The following EGFR variants were observed in gnomAD, a reference collection of about 807,000 sequenced individuals.
EGFR encodes avian erythroblastic leukemia viral (v-erb-b) oncogene homolog.
A neutral mutation model predicts 143.0 loss-of-function variants in EGFR; 58 were observed. That is an observed-to-expected ratio of 0.41 (90% CI 0.33 to 0.50). EGFR has a LOEUF of 0.50. Among genes scored for constraint, EGFR ranks in the 20% least tolerant of loss-of-function variants. The probability of loss-of-function intolerance (pLI) is 0.39; values close to 1 mark genes in which losing one functional copy is unlikely to be tolerated. For synonymous variants in EGFR, 613 were observed against 594.4 expected (o/e 1.03, Z -0.45); for missense variants, 1,307 against 1,579.0 (o/e 0.83, Z 2.92).
intron 17 of EGFR, among the ~76,000 whole-genome samples, chr7:55,173,573 A>G (rs1043506684): frequency 4.6e-5 from 7 of 152,246 alleles, no homozygotes; most frequent in African/African-American, 1.7e-4. Context: ...GCTCATAAGC[A>G]TAAGCGCGTG....
chr7:55,173,823 C>A (rs960635931), intron 17 of EGFR, 98 bp from the exon 18 acceptor site: 3 of 1,598,536 alleles, frequency 1.9e-6, no homozygotes. Context: ...AAGCCCATGC[C>A]GTGGCTGCTG....
chr7:55,114,753 T>C (rs1792727123), intron 1 of EGFR, among the ~76,000 whole-genome samples: 1 of 152,172 alleles, frequency 6.6e-6, no homozygotes, highest in Non-Finnish European at 1.5e-5. Context: ...TGTGTTTATG[T>C]TTTGTTATTT....
At chr7:55,096,724 T>C (rs772015032) in intron 1 of EGFR, among the ~76,000 whole-genome samples, 1 of 152,122 alleles carries the variant, frequency 6.6e-6, no homozygotes, top group Non-Finnish European at 1.5e-5. Context: ...TCCCCACCCA[T>C]GGCTCCCTCA....
rs536835552 is a variant in EGFR, at chr7:55,104,141, G to A, written c.89-38145G>A. Among the ~76,000 whole-genome samples the A allele has an allele frequency of 8.5e-4, 129 of 152,328 alleles. 1 individual carries two copies. The highest frequency in any genetic ancestry group is 2.1e-4 in the Non-Finnish European group (14 of 68,042). On this transcript the variant is annotated intron_variant, in intron 1 of 27. Transcript: ENST00000275493. The stretch of plus-strand genomic sequence containing the variant: ...TAGACCACCTGTTGCTACCGATAAA[G>A]GAGCAGCTTCTCGAATGCTCCTGTC...
In EGFR at chr7:55,163,878, A is replaced by C; in HGVS notation, c.1722+55A>C. ...ATTTCATGGGAAGGGCCTTCACAGAAGCCGAACAGTGATGATGGCCCAGGG... is the reference window on the plus strand; with the variant it reads ...ATTTCATGGGAAGGGCCTTCACAGACGCCGAACAGTGATGATGGCCCAGGG... On this transcript the variant is annotated intron_variant, in intron 14 of 27. Transcript: ENST00000275493. 8 of 1,589,854 alleles carry C rather than the reference A, an allele frequency of 5.0e-6. No individual in the cohort carries two copies. In the South Asian group the frequency reaches 8.8e-5, roughly 18 times the overall value.
At chr7:55,187,610 G>A (rs1787198347) in intron 20 of EGFR, among the ~76,000 whole-genome samples, 2 of 152,242 alleles carry the variant, frequency 1.3e-5, no homozygotes, top group Admixed American at 1.3e-4. Context: ...GCCTGCCTGG[G>A]AAGGTGGCAA....
chr7:55,110,491 A>G (rs1052219733), intron 1 of EGFR, among the ~76,000 whole-genome samples: 2 of 152,194 alleles, frequency 1.3e-5, no homozygotes, highest in Non-Finnish European at 1.5e-5. Context: ...AAAGCCCCCA[A>G]TTTTCGTTGG....
intron 3 of EGFR, among the ~76,000 whole-genome samples, chr7:55,145,125 G>A (rs963130007): frequency 1.3e-5 from 2 of 152,154 alleles, no homozygotes; most frequent in Non-Finnish European, 2.9e-5. Flanking sequence ...CCTCCCTCAC[G>A]TGTGCTGGCC....
At chr7:55,108,298 T>A (rs1164060257) in intron 1 of EGFR, among the ~76,000 whole-genome samples, 2 of 152,374 alleles carry the variant, frequency 1.3e-5, no homozygotes, top group South Asian at 4.1e-4. Flanking sequence ...TTCGGAACTG[T>A]CCATGTTCAC....
chr7:55,183,873 A>T (rs1189755356), intron 20 of EGFR, among the ~76,000 whole-genome samples: 1 of 152,182 alleles, frequency 6.6e-6, no homozygotes, highest in Non-Finnish European at 1.5e-5. Context: ...CCAACAGTCC[A>T]CAGCTGTTCT....
intron 1 of EGFR, among the ~76,000 whole-genome samples, chr7:55,117,024 G>A (rs1003631520): frequency 6.6e-6 from 1 of 152,174 alleles, no homozygotes; most frequent in Non-Finnish European, 1.5e-5. Flanking sequence ...GCGTTGCTGG[G>A]TCAGAGGGTA....
At chr7:55,143,632 T>A in intron 3 of EGFR, 144 bp downstream of exon 3, 1 of 893,586 alleles carries the variant, frequency 1.1e-6, no homozygotes, top group Non-Finnish European at 1.8e-6. Flanking sequence ...CGGCTGTGTG[T>A]AAGATACTGC....
At chr7:55,155,732 G>C (rs997590459) in intron 7 of EGFR, 98 bp from the exon 8 acceptor site, 5 of 882,376 alleles carry the variant, frequency 5.7e-6, no homozygotes, top group Non-Finnish European at 9.7e-6. Flanking sequence ...GGAGGATGGA[G>C]CCTTTCCATC....
chr7:55,174,994 C>G (rs1243469927), intron 19 of EGFR, among the ~76,000 whole-genome samples, 174 bp downstream of exon 19: 1 of 152,178 alleles, frequency 6.6e-6, no homozygotes, highest in Admixed American at 6.5e-5. Flanking sequence ...CCCTTAGAGA[C>G]AGCACTGGCC....
intron 1 of EGFR, among the ~76,000 whole-genome samples, chr7:55,045,052 C>A (rs1788109793): frequency 6.6e-6 from 1 of 152,208 alleles, no homozygotes; most frequent in African/African-American, 2.4e-5. Context: ...GTCCAGCTTT[C>A]TTTAAAAGAG....
intron 1 of EGFR, among the ~76,000 whole-genome samples, chr7:55,139,589 G>T (rs914651286): frequency 1.7e-4 from 26 of 152,146 alleles, no homozygotes; most frequent in African/African-American, 5.6e-4. Flanking sequence ...AATTAACCCA[G>T]GATAGTATTC....
intron 1 of EGFR, among the ~76,000 whole-genome samples, chr7:55,116,656 AC>A (rs1263318302): frequency 1.3e-5 from 2 of 152,104 alleles, no homozygotes; most frequent in African/African-American, 4.8e-5. Context: ...CCCTAGAAGC[AC>A]CCCGTGCTGC....
At chr7:55,034,880 C>T (rs551423147) in intron 1 of EGFR, among the ~76,000 whole-genome samples, 23 of 152,312 alleles carry the variant, frequency 1.5e-4, no homozygotes, top group African/African-American at 4.3e-4. Flanking sequence ...TTATGGACAT[C>T]ACTAGTGGCA....
At chr7:55,028,444 G>A (rs770818714) in intron 1 of EGFR, among the ~76,000 whole-genome samples, 5 of 152,168 alleles carry the variant, frequency 3.3e-5, no homozygotes, top group Non-Finnish European at 7.3e-5. Flanking sequence ...AAGGTGTCCT[G>A]AGATTTTCTG....
Sources: gnomAD v4.1 joint callset for allele counts (sites outside exome capture counted in the v4.1 genomes callset) on GRCh38, gnomAD v4.1.1 for gene constraint, MANE v1.5 for transcripts, NCBI Gene and HGNC (gene_info 2026-07-23, HGNC 2026-07-21) for gene names.